WNT9B: variants seen among roughly 807,000 people sequenced by gnomAD.
The protein encoded by WNT9B is protein Wnt-9b.
Under a neutral mutation model 30.2 loss-of-function variants are expected in WNT9B, and 12 were observed. The ratio of observed to expected loss-of-function variants is 0.40; its 90% CI spans 0.26 to 0.64. The LOEUF is 0.64. Among genes scored for constraint, WNT9B ranks in the 30% least tolerant of loss-of-function variants. The pLI is 0.42. For synonymous variants in WNT9B, 218 were observed against 216.9 expected (o/e 1.01, Z -0.05); for missense variants, 442 against 485.2 (o/e 0.91, Z 0.84).
At chr17:46,881,741 A>G (rs180740740), downstream of WNT9B, among the ~76,000 whole-genome samples, 1 of 152,238 alleles carries the variant, frequency 6.6e-6, no homozygotes, top group African/African-American at 2.4e-5. Flanking sequence ...TACCCGCAAT[A>G]TCCCTCCTCC....
exon 5 of WNT9B, chr17:46,885,866 C>T (rs893665130): frequency 2.6e-5 from 4 of 152,492 alleles, no homozygotes; most frequent in Non-Finnish European, 5.9e-5. Flanking sequence ...CCTTCATTCC[C>T]CCTGGCTTCC....
intron 1 of WNT9B, among the ~76,000 whole-genome samples, chr17:46,854,459 G>A (rs527849999): frequency 6.6e-6 from 1 of 152,254 alleles, no homozygotes; most frequent in South Asian, 2.1e-4. Context: ...CTTCAGAGTT[G>A]GAAGTGACCC....
At position 46,878,562 on chromosome 17, in the gene WNT9B, G is replaced by T. The variant is rs1279081590; in HGVS notation, c.*1844G>T. Among the ~76,000 whole-genome samples, 1 of 152,214 alleles carries T rather than the reference G, an allele frequency of 6.6e-6. No individual in the cohort carries two copies. The highest frequency in any genetic ancestry group is 2.4e-5 in the African/African-American group (1 of 41,450). On this transcript the variant is annotated 3_prime_UTR_variant, in exon 4 of 4. Transcript: ENST00000290015. ...CTTGGCAGCAGGAGAAAAATGGGGA[G>T]AGGGCTGGTTTTCTCCTTTCTTCCA...
At chr17:46,849,072 G>A (rs993709105), upstream of WNT9B, among the ~76,000 whole-genome samples, 1 of 152,208 alleles carries the variant, frequency 6.6e-6, no homozygotes, top group Non-Finnish European at 1.5e-5. Flanking sequence ...AAGCCTCCAT[G>A]GGCAAGCTGG....
intron 1 of WNT9B, among the ~76,000 whole-genome samples, chr17:46,865,484 C>A (rs1598853559): frequency 6.6e-6 from 1 of 152,070 alleles, no homozygotes; most frequent in South Asian, 2.1e-4. Context: ...AGGGTGGGTT[C>A]ATGGGGATGG....
intron 2 of WNT9B, among the ~76,000 whole-genome samples, chr17:46,874,328 A>G (rs2085306511): frequency 6.6e-6 from 1 of 152,222 alleles, no homozygotes; most frequent in Non-Finnish European, 1.5e-5. Context: ...CATGTGTCAT[A>G]GGAAGCCCAT....
At chr17:46,850,691 C>T (rs1051780838), upstream of WNT9B, among the ~76,000 whole-genome samples, 2 of 152,192 alleles carry the variant, frequency 1.3e-5, no homozygotes, top group African/African-American at 4.8e-5. Context: ...TACCACGCGC[C>T]GCTTTGATCT....
intron 1 of WNT9B, among the ~76,000 whole-genome samples, chr17:46,844,305 C>CTTT (rs34889221): frequency 0.014 from 1,776 of 127,328 alleles, 42 homozygotes; most frequent in Admixed American, 0.023. Context: ...AGTTAGCCAC[C>CTTT]TTTTTTTTTT....
downstream of WNT9B, among the ~76,000 whole-genome samples, chr17:46,881,282 C>T (rs2085418853): frequency 8.5e-5 from 13 of 152,258 alleles, no homozygotes; most frequent in Admixed American, 8.5e-4. Context: ...CCTACATTTC[C>T]ACCAGCATCC....
At chr17:46,860,858 CT>C (rs374919523) in intron 1 of WNT9B, among the ~76,000 whole-genome samples, 36 of 151,696 alleles carry the variant, frequency 2.4e-4, no homozygotes, top group South Asian at 8.4e-4. Flanking sequence ...TAAAATTTCA[CT>C]TTTTTTTTAT....
intron 1 of WNT9B, among the ~76,000 whole-genome samples, chr17:46,869,360 G>A (rs1349566750): frequency 1.3e-5 from 2 of 152,208 alleles, no homozygotes; most frequent in African/African-American, 4.8e-5. Flanking sequence ...GCAGAGCTGG[G>A]CACCGTTTGA....
chr17:46,838,927 G>A (rs909675605), intron 1 of WNT9B, among the ~76,000 whole-genome samples: 4 of 152,122 alleles, frequency 2.6e-5, no homozygotes, highest in Admixed American at 1.3e-4. Flanking sequence ...GCCCAGGCTG[G>A]AGTGAAGTGG....
intron 1 of WNT9B, among the ~76,000 whole-genome samples, chr17:46,836,097 T>A: frequency 9.3e-6 from 1 of 107,582 alleles, no homozygotes; most frequent in South Asian, 2.5e-4. Context: ...GACGCTGACG[T>A]GTGTGTGTGT....
chr17:46,880,558 G>A lies in WNT9B; in HGVS notation c.*3840G>A, dbSNP rs2085409908. 6.6e-6 allele frequency among the ~76,000 whole-genome samples: 1 copy of A among 152,184 alleles called. No individual in the cohort carries two copies. On this transcript the variant is annotated 3_prime_UTR_variant, in exon 4 of 4. Coordinates refer to ENST00000290015, the MANE Select transcript of WNT9B (RefSeq NM_003396.3). ...CCAATAAATGACATGCCAGTTATTT[G>A]CATTTACTTTGTCTCAATTTATTGC...
chr17:46,869,028 G>A (rs1011101605), intron 1 of WNT9B, among the ~76,000 whole-genome samples: 21 of 152,302 alleles, frequency 1.4e-4, no homozygotes, highest in African/African-American at 4.6e-4. Context: ...AATAAACAGA[G>A]GGAAACTGGG....
intron 1 of WNT9B, among the ~76,000 whole-genome samples, chr17:46,840,602 AT>A (rs1341589215): frequency 6.6e-6 from 1 of 152,200 alleles, no homozygotes; most frequent in Non-Finnish European, 1.5e-5. Flanking sequence ...AATTGAACTA[AT>A]TTACACTCCC....
chr17:46,866,446 A>ATGTGTGTGTGAGGGAGTGTGAG (rs2085138537), intron 1 of WNT9B, among the ~76,000 whole-genome samples: 1 of 151,426 alleles, frequency 6.6e-6, no homozygotes, highest in Non-Finnish European at 1.5e-5. Context: ...ATGAATGTGG[A>ATGTGTGTGTGAGGGAGTGTGAG]TGTGTGTGTG....
chr17:46,873,115 CACACACACA>C (rs1418699295), intron 2 of WNT9B, among the ~76,000 whole-genome samples: 2 of 151,742 alleles, frequency 1.3e-5, no homozygotes, highest in Non-Finnish European at 2.9e-5. Context: ...CACACACACA[CACACACACA>C]CACACACACG....
rs918808140 is a variant in WNT9B, at chr17:46,880,399, T to C, written c.*3681T>C. Among the ~76,000 whole-genome samples the C allele has an allele frequency of 2.0e-5, 3 of 152,230 alleles. No individual in the cohort carries two copies. Among genetic ancestry groups the C allele is most frequent in the African/African-American group, 7.2e-5 (3 of 41,458 alleles). On this transcript the variant is annotated 3_prime_UTR_variant, in exon 4 of 4. Transcript: ENST00000290015. ...CTTATTGAGCACCCCTTATGTCCAT[T>C]TATTCAACCAATGATTATTTAGGGA...
Sources: gnomAD v4.1 joint callset for allele counts (sites outside exome capture counted in the v4.1 genomes callset) on GRCh38, gnomAD v4.1.1 for gene constraint, MANE v1.5 for transcripts, NCBI Gene and HGNC (gene_info 2026-07-23, HGNC 2026-07-21) for gene names.